CD8B: variants seen among roughly 807,000 people sequenced by gnomAD.
CD8B encodes the protein CD8 subunit beta.
In CD8B, 6 loss-of-function variants were observed where a neutral mutation model predicts 24.2. The ratio of observed to expected loss-of-function variants is 0.25; its 90% CI spans 0.14 to 0.49. The LOEUF (loss-of-function observed/expected upper bound fraction) is 0.49. CD8B is among the 20% of genes least tolerant of loss of function. The pLI is 0.98. For synonymous variants in CD8B, 84 were observed against 108.3 expected (o/e 0.78, Z 1.39); for missense variants, 196 against 271.3 (o/e 0.72, Z 1.95).
rs2104534881 is a variant in CD8B, at chr2:86,839,794, T to G, written c.*2513A>C. On this transcript the variant is annotated 3_prime_UTR_variant, in exon 6 of 6. Coordinates refer to ENST00000390655, the MANE Select transcript of CD8B (RefSeq NM_004931.5). The stretch of plus-strand genomic sequence containing the variant: ...AAGAGGCCTTGTGGCCTGTTCTTAC[T>G]TCCGCTGTGCACTGGGTGTGAGCCT... Among the ~76,000 whole-genome samples the G allele has an allele frequency of 6.6e-6, 1 of 152,366 alleles. No homozygotes were observed. The highest frequency in any genetic ancestry group is 2.4e-5 in the African/African-American group (1 of 41,590).
Position 86,852,988 on chromosome 2 carries a change from G to A in CD8B, c.493+9C>T, listed in dbSNP as rs760795743. ...TGTTTCTGAGGGTGCAGAGGGATAG[G>A]GAACTCACCCTTCTGGGTCTCTGGC... On this transcript the variant is annotated intron_variant, in intron 3 of 5. Transcript: ENST00000390655. 2.2e-5 allele frequency: 34 copies of A among 1,519,816 alleles called. No individual in the cohort carries two copies. The African/African-American group carries it at 4.5e-4, about 20-fold the overall frequency. 94.1% of individuals were successfully genotyped at this position (1,519,816 alleles called of 1,614,324 possible).
At chr2:86,852,183 C>T (rs548730308) in intron 3 of CD8B, among the ~76,000 whole-genome samples, 1 of 152,302 alleles carries the variant, frequency 6.6e-6, no homozygotes, top group South Asian at 2.1e-4. Context: ...CCAGGCTGGT[C>T]TCTAACTCCT....
At chr2:86,855,665 C>T (rs894913525) in intron 2 of CD8B, among the ~76,000 whole-genome samples, 6 of 152,214 alleles carry the variant, frequency 3.9e-5, no homozygotes, top group Non-Finnish European at 8.8e-5. Context: ...TCAGCAGGGT[C>T]GGAGAGCGTG....
rs1368246577 is a variant in CD8B, at chr2:86,858,123, T to A, written c.337A>T (p.Ile113Phe). The A allele has an allele frequency of 1.2e-6, 2 of 1,613,880 alleles. No individual in the cohort carries two copies. The highest frequency in any genetic ancestry group is 1.3e-5 in the African/African-American group (1 of 74,922). ...CTCCCGACGATCATGCAGAAGTAGA[T>A]GCCACTGTCTTCCGGCTTCACGCTT... The part of the protein sequence containing the change: ...LTSVKPEDSG[I>F]YFCMIVGSPE... Residue 113 changes from isoleucine (I) to phenylalanine (F), a missense_variant, in exon 2 of 6, where the codon ATC becomes TTC. Transcript: ENST00000390655.
rs148363276 is a variant in CD8B, at chr2:86,823,561, G to A, written c.621-7843C>T. Among the ~76,000 whole-genome samples, 195 of 152,234 alleles carry A rather than the reference G, an allele frequency of 1.3e-3. 1 individual carries two copies. The highest frequency in any genetic ancestry group is 2.9e-3 in the Admixed American group (44 of 15,290). ...TTTCAAAGTGCTGAGATTACAAAGC[G>A]AGCCACAAGCCTCGGCCTGCACAAT... On this transcript the variant is annotated intron_variant, in intron 5 of 5. Transcript: ENST00000331469.
intron 1 of CD8B, among the ~76,000 whole-genome samples, chr2:86,858,757 T>C (rs972648522): frequency 2.0e-5 from 3 of 149,244 alleles, no homozygotes; most frequent in African/African-American, 5.0e-5. Context: ...TTAAAAGACA[T>C]GGGGTCTTGT....
intron 5 of CD8B, among the ~76,000 whole-genome samples, chr2:86,824,174 C>G (rs573825990): frequency 6.8e-6 from 1 of 146,274 alleles, no homozygotes; most frequent in East Asian, 2.0e-4. Flanking sequence ...CACTGAGGAA[C>G]AAGTGCCAAT....
chr2:86,837,369 T>C (rs1675217711), downstream of CD8B, among the ~76,000 whole-genome samples: 1 of 152,318 alleles, frequency 6.6e-6, no homozygotes, highest in African/African-American at 2.4e-5. Context: ...GTCGTGCATA[T>C]TTCTGTGAAT....
rs984551242 is a variant in CD8B at position 86,839,404 on chromosome 2, T to C, written c.*2903A>G. Among the ~76,000 whole-genome samples, 10 of 152,260 alleles carry C rather than the reference T, an allele frequency of 6.6e-5. No homozygotes were observed. Among genetic ancestry groups the C allele is most frequent in the African/African-American group, 1.9e-4 (8 of 41,470 alleles). On this transcript the variant is annotated 3_prime_UTR_variant, in exon 6 of 6. Transcript: ENST00000390655. ...CATGCCACTTTTTGATGTATTTCTTTCAGATAAATGCCAACAAGTGGAATT... is the reference window on the plus strand; with the variant it reads ...CATGCCACTTTTTGATGTATTTCTTCCAGATAAATGCCAACAAGTGGAATT...
intron 5 of CD8B, chr2:86,822,220 C>G (rs1395948351): frequency 1.5e-6 from 1 of 653,648 alleles, no homozygotes; most frequent in East Asian, 2.7e-5. Context: ...GTGTTTTCCA[C>G]TTATACCCCA....
chr2:86,837,469 C>T (rs1675221680), downstream of CD8B, among the ~76,000 whole-genome samples: 1 of 152,054 alleles, frequency 6.6e-6, no homozygotes, highest in South Asian at 2.1e-4. Context: ...CTCACAGTTC[C>T]CCGGGAGTGT....
intron 5 of CD8B, chr2:86,843,743 T>A (rs1430352720): frequency 2.6e-5 from 24 of 918,090 alleles, no homozygotes; most frequent in Non-Finnish European, 3.1e-5. Flanking sequence ...GGCCACATGC[T>A]TTAAGGATAA....
At chr2:86,856,991 T>A (rs1036345095) in intron 2 of CD8B, among the ~76,000 whole-genome samples, 15 of 152,222 alleles carry the variant, frequency 9.9e-5, no homozygotes, top group Non-Finnish European at 2.2e-4. Flanking sequence ...ACTTTAAAAA[T>A]TTAGAATTTC....
intron 3 of CD8B, among the ~76,000 whole-genome samples, chr2:86,848,156 A>G (rs1303628788): frequency 1.3e-5 from 2 of 152,200 alleles, no homozygotes; most frequent in African/African-American, 4.8e-5. Context: ...GAACTACTAA[A>G]CCACAGACTT....
At chr2:86,823,553 TACAA>T (rs1329059364) in intron 5 of CD8B, among the ~76,000 whole-genome samples, 18 of 152,134 alleles carry the variant, frequency 1.2e-4, no homozygotes, top group Admixed American at 1.2e-3. Flanking sequence ...GTGCTGAGAT[TACAA>T]AGCGAGCCAC....
At chr2:86,833,299 A>G (rs1674996218), downstream of CD8B, among the ~76,000 whole-genome samples, 1 of 147,438 alleles carries the variant, frequency 6.8e-6, no homozygotes, top group African/African-American at 2.5e-5. Flanking sequence ...GGTTCAAGTG[A>G]TTCTCTGCCT....
intron 5 of CD8B, chr2:86,815,849 G>A (rs1322473996): frequency 5.9e-6 from 4 of 679,278 alleles, no homozygotes; most frequent in Middle Eastern, 7.4e-4. Context: ...AACACAGAAA[G>A]AGCCAGGCAT....
chr2:86,859,720 CAT>C (rs1255606072), intron 1 of CD8B, among the ~76,000 whole-genome samples: 3 of 150,426 alleles, frequency 2.0e-5, no homozygotes, highest in African/African-American at 7.4e-5. Flanking sequence ...CAAAGGGAGA[CAT>C]TGCAGGCCAG....
In CD8B at chr2:86,861,885, C is replaced by A. The variant is rs1209913782; in HGVS notation, c.-20G>T. The A allele has an allele frequency of 4.0e-6, 5 of 1,257,614 alleles. No homozygotes were observed. Among genetic ancestry groups the A allele is most frequent in the South Asian group, 3.0e-5 (1 of 33,316 alleles). The allele number at this position is 1,257,614 out of a possible 1,614,324, so 77.9% of individuals were successfully genotyped here. A position where few individuals can be genotyped will look rare whatever the true frequency, so the allele number is the denominator to read the frequency against. On this transcript the variant is annotated 5_prime_UTR_variant, in exon 1 of 6. The change creates a new upstream start codon in the 5' untranslated region. Coordinates refer to ENST00000390655, the MANE Select transcript of CD8B (RefSeq NM_004931.5). ...CCGCATCGTGGCGCGCCCGGGACAC[C>A]TGGCCCCGGGGGCTCGGCGGAGACA...
Sources: allele counts gnomAD v4.1 joint callset (sites outside exome capture counted in the v4.1 genomes callset), GRCh38; gene constraint gnomAD v4.1.1; transcripts MANE v1.5; gene names NCBI Gene and HGNC (gene_info 2026-07-23, HGNC 2026-07-21).